Variants in CSMD1 observed in about 807,000 individuals in gnomAD.
The protein encoded by CSMD1 is CUB and Sushi multiple domains 1, also known as CUB and sushi domain-containing protein 1.
A neutral mutation model predicts 417.5 loss-of-function variants in CSMD1; 213 were observed. That is an observed-to-expected ratio of 0.51 (90% CI 0.46 to 0.57). The LOEUF (loss-of-function observed/expected upper bound fraction) is 0.57, where lower values mean the gene tolerates loss of function less well. Among genes scored for constraint, CSMD1 ranks in the 20% least tolerant of loss-of-function variants. CSMD1 has a pLI of 0.00. For synonymous variants in CSMD1, 2,862 were observed against 1,736.8 expected, an observed-to-expected ratio of 1.65 and a Z score of -16.11; for missense variants, 6,923 against 4,529.7, an observed-to-expected ratio of 1.53 and a Z score of -15.17.
rs775623360 is a variant in CSMD1, at chr8:3,753,925, C to A, written c.931+5G>T. On this transcript the variant is annotated splice_donor_5th_base_variant and intron_variant, in intron 6 of 69. Coordinates refer to ENST00000635120, the MANE Select transcript of CSMD1 (RefSeq NM_033225.6). ...TTTTTTTCTTATAAGATGGAGCATC[C>A]TTACCTTGGAACTGAGCGTTAAATC... The A allele has an allele frequency of 2.5e-6, 4 of 1,593,398 alleles. No individual in the cohort carries two copies. The highest frequency in any genetic ancestry group is 2.6e-6 in the Non-Finnish European group (3 of 1,163,018).
At chr8:3,809,258 G>A (rs1386918450) in intron 5 of CSMD1, among the ~76,000 whole-genome samples, 1 of 152,106 alleles carries the variant, frequency 6.6e-6, no homozygotes, top group Non-Finnish European at 1.5e-5. Flanking sequence ...GACCAGCTGG[G>A]TCAGGTCAGC....
At chr8:3,947,905 G>T (rs754976775) in intron 5 of CSMD1, among the ~76,000 whole-genome samples, 1 of 152,014 alleles carries the variant, frequency 6.6e-6, no homozygotes, top group Non-Finnish European at 1.5e-5. Context: ...TAAAAGTCCT[G>T]TTAAAATCTC....
chr8:3,509,298 C>G lies in CSMD1; in HGVS notation c.1345-15572G>C, dbSNP rs1250403240. 2.0e-5 allele frequency among the ~76,000 whole-genome samples: 3 copies of G among 152,296 alleles called. No individual in the cohort carries two copies. In the Middle Eastern group the frequency reaches 0.01, roughly 518 times the overall value. On this transcript the variant is annotated intron_variant, in intron 10 of 69. Coordinates refer to ENST00000635120, the MANE Select transcript of CSMD1 (RefSeq NM_033225.6). ...CAATGACTAAAAAATATATTTAAGC[C>G]TTTCCCCCACCCATAGTTATAGTAA... is the stretch of plus-strand genomic sequence containing the variant.
At chr8:4,464,458 C>T (rs945079062) in intron 2 of CSMD1, among the ~76,000 whole-genome samples, 1 of 152,166 alleles carries the variant, frequency 6.6e-6, no homozygotes, top group African/African-American at 2.4e-5. Context: ...CATTAGCCTA[C>T]AGCTGGGAAA....
At chr8:4,092,305 C>T (rs898661683) in intron 3 of CSMD1, among the ~76,000 whole-genome samples, 83 of 152,288 alleles carry the variant, frequency 5.5e-4, no homozygotes, top group African/African-American at 1.8e-3. Context: ...GGCAACATTT[C>T]CTGGCTTCGT....
intron 3 of CSMD1, among the ~76,000 whole-genome samples, chr8:4,199,745 A>C (rs1397846674): frequency 6.6e-6 from 1 of 152,308 alleles, no homozygotes; most frequent in South Asian, 2.1e-4. Context: ...GATCCTCTTA[A>C]AATATTTTCA....
At chr8:4,348,825 A>C (rs1800925558) in intron 3 of CSMD1, among the ~76,000 whole-genome samples, 1 of 152,174 alleles carries the variant, frequency 6.6e-6, no homozygotes, top group African/African-American at 2.4e-5. Context: ...GACCCAGTTA[A>C]ATCAATAAGC....
At chr8:4,776,234 A>T (rs1460000669) in intron 1 of CSMD1, among the ~76,000 whole-genome samples, 1 of 152,152 alleles carries the variant, frequency 6.6e-6, no homozygotes, top group Non-Finnish European at 1.5e-5. Flanking sequence ...AGGCCTAAAT[A>T]TAGAGAAACA....
Position 4,467,316 on chromosome 8 carries a change from G to C in CSMD1, c.303-47251C>G, listed in dbSNP as rs77188179. ...CAAGGAAAGGAGGAGTCACTATACA[G>C]ATTATTTAATTGACCCATTACTGAA... is the stretch of plus-strand genomic sequence containing the variant. On this transcript the variant is annotated intron_variant, in intron 2 of 69. Coordinates refer to ENST00000635120, the MANE Select transcript of CSMD1 (RefSeq NM_033225.6). Among the ~76,000 whole-genome samples the C allele has an allele frequency of 5.3e-5, 8 of 152,076 alleles. 1 individual carries two copies. The East Asian group carries it at 7.7e-4, about 15-fold the overall frequency.
At chr8:3,495,112 C>G (rs1436836052) in intron 10 of CSMD1, among the ~76,000 whole-genome samples, 1 of 152,170 alleles carries the variant, frequency 6.6e-6, no homozygotes, top group Non-Finnish European at 1.5e-5. Flanking sequence ...ATTATTTTAG[C>G]AATCTCATTT....
chr8:3,826,575 A>T (rs981207262), intron 5 of CSMD1, among the ~76,000 whole-genome samples: 1 of 152,172 alleles, frequency 6.6e-6, no homozygotes. Context: ...CTGGGTTGAG[A>T]TTAACCACTG....
At chr8:4,018,959 C>A (rs536138232) in intron 4 of CSMD1, among the ~76,000 whole-genome samples, 1 of 152,308 alleles carries the variant, frequency 6.6e-6, no homozygotes, top group East Asian at 1.9e-4. Flanking sequence ...CATTGTCTGA[C>A]ATTTTGTGAT....
chr8:2,966,745 G>A lies in CSMD1; in HGVS notation c.8925C>T (p.Ala2975=), dbSNP rs764676727. Residue 2975 remains alanine (A), a splice_region_variant and synonymous_variant, in exon 58 of 70, where the codon GCC becomes GCT. Coordinates refer to ENST00000635120, the MANE Select transcript of CSMD1 (RefSeq NM_033225.6). ...SWSGLQPVCE[A]VSCGNPGTPT... ...GTGTGCCAGGGTTGCCACAGGACAC[G>A]GCTGTTAGGCAAACAAGAACACCAC... 2.1e-5 allele frequency: 34 copies of A among 1,612,504 alleles called. No homozygotes were observed. The highest frequency in any genetic ancestry group is 1.7e-4 in the Middle Eastern group (1 of 6,002).
rs920931240 is a variant in CSMD1 at position 4,607,163 on chromosome 8, C to A, written c.302+30179G>T. Among the ~76,000 whole-genome samples the A allele has an allele frequency of 6.6e-5, 10 of 151,978 alleles. No homozygotes were observed. In the East Asian group the frequency reaches 1.7e-3, roughly 26 times the overall value. The stretch of plus-strand genomic sequence containing the variant: ...AAGACAGTTAATTTTAAAGCACGAT[C>A]CTTGTACTCAAGGAACTAATTGATA... On this transcript the variant is annotated intron_variant, in intron 2 of 69. Transcript: ENST00000635120.
intron 5 of CSMD1, among the ~76,000 whole-genome samples, chr8:3,893,116 C>T (rs963977568): frequency 6.6e-6 from 1 of 151,714 alleles, no homozygotes; most frequent in African/African-American, 2.4e-5. Flanking sequence ...AAAAACATGA[C>T]AAAATCATCC....
At chr8:4,291,868 G>C (rs570732160) in intron 3 of CSMD1, among the ~76,000 whole-genome samples, 1 of 152,196 alleles carries the variant, frequency 6.6e-6, no homozygotes, top group African/African-American at 2.4e-5. Context: ...GAAATTAGAA[G>C]TTTCCTTTCA....
intron 3 of CSMD1, among the ~76,000 whole-genome samples, chr8:4,039,419 G>C (rs1251299567): frequency 6.6e-6 from 1 of 152,146 alleles, no homozygotes; most frequent in Admixed American, 6.5e-5. Flanking sequence ...TAATTTTCAG[G>C]ATCACATTAA....
chr8:3,244,551 C>A (rs1019881948), intron 26 of CSMD1, among the ~76,000 whole-genome samples: 2 of 152,156 alleles, frequency 1.3e-5, no homozygotes, highest in Non-Finnish European at 2.9e-5. Context: ...CGCCTCTAAC[C>A]TAGGTCGCTG....
At chr8:4,018,672 T>G (rs569266556) in intron 4 of CSMD1, among the ~76,000 whole-genome samples, 2 of 152,356 alleles carry the variant, frequency 1.3e-5, no homozygotes, top group South Asian at 2.1e-4. Flanking sequence ...GTTGTAATAT[T>G]TGTTTCTCAA....
Sources: allele counts gnomAD v4.1 joint callset (sites outside exome capture counted in the v4.1 genomes callset), GRCh38; gene constraint gnomAD v4.1.1; transcripts MANE v1.5; gene names NCBI Gene and HGNC (gene_info 2026-07-23, HGNC 2026-07-21).